Variants in PTK7 observed in about 807,000 individuals in gnomAD.
PTK7 encodes the protein inactive tyrosine-protein kinase 7.
In PTK7, 39 loss-of-function variants were observed where a neutral mutation model predicts 116.6. That is an observed-to-expected ratio of 0.33 (90% CI 0.26 to 0.44). PTK7 has a LOEUF of 0.44. Among genes scored for constraint, PTK7 ranks in the 20% least tolerant of loss-of-function variants. The pLI, the probability that PTK7 is intolerant of heterozygous loss-of-function variation, is 1.00. For missense variants in PTK7, 1,169 were observed against 1,425.6 expected, an observed-to-expected ratio of 0.82 and a Z score of 2.90; for synonymous variants, 546 against 563.6, an observed-to-expected ratio of 0.97 and a Z score of 0.44.
At chr6:43,137,059 T>C (rs953267026) in intron 7 of PTK7, among the ~76,000 whole-genome samples, 2 of 152,058 alleles carry the variant, frequency 1.3e-5, no homozygotes, top group African/African-American at 4.8e-5. Flanking sequence ...CAACATCACA[T>C]TGAAAAGAGT....
chr6:43,132,875 G>T (rs1331112170), intron 7 of PTK7, 188 bp downstream of exon 7: 2 of 781,812 alleles, frequency 2.6e-6, no homozygotes, highest in Non-Finnish European at 4.2e-6. Context: ...TAGGGTGGGT[G>T]CTCCAGAGGA....
chr6:43,132,245 T>C, intron 6 of PTK7, 81 bp downstream of exon 6: 3 of 1,527,212 alleles, frequency 2.0e-6, no homozygotes, highest in Non-Finnish European at 2.6e-6. Context: ...CTTCTGTTTT[T>C]ACTCAGCCGC....
intron 17 of PTK7, among the ~76,000 whole-genome samples, chr6:43,152,521 C>T (rs1034637339): frequency 1.5e-4 from 23 of 152,300 alleles, no homozygotes; most frequent in African/African-American, 5.1e-4. Context: ...AGTGAGACTC[C>T]GTCTGGATGA....
intron 1 of PTK7, among the ~76,000 whole-genome samples, chr6:43,106,650 C>CTTTTT (rs11312929): frequency 6.1e-5 from 6 of 98,584 alleles, no homozygotes; most frequent in Non-Finnish European, 1.2e-4. Context: ...TCCTCCCTGC[C>CTTTTT]TTTTTTTTTT....
chr6:43,146,785 A>G (rs751086751), intron 17 of PTK7, 87 bp downstream of exon 17: 3 of 1,165,672 alleles, frequency 2.6e-6, no homozygotes, highest in Non-Finnish European at 3.8e-6. Context: ...AGGGCTCTCT[A>G]TGGGCCAGGC....
intron 1 of PTK7, among the ~76,000 whole-genome samples, chr6:43,117,675 C>T (rs1447887289): frequency 6.6e-6 from 1 of 152,104 alleles, no homozygotes; most frequent in African/African-American, 2.4e-5. Context: ...AGTCTGTCCG[C>T]CAGGCAGGAG....
At chr6:43,101,203 G>A (rs1253108695) in intron 1 of PTK7, among the ~76,000 whole-genome samples, 2 of 136,342 alleles carry the variant, frequency 1.5e-5, no homozygotes, top group Non-Finnish European at 3.2e-5. Flanking sequence ...CAACAAGAGC[G>A]AAGCTCTGTC....
chr6:43,142,605 G>C (rs1270839181), intron 13 of PTK7: 1 of 462,370 alleles, frequency 2.2e-6, no homozygotes, highest in East Asian at 4.6e-5. Context: ...GGGTGGCTGG[G>C]GAGGAGGACC....
In PTK7 at chr6:43,160,950, G is replaced by A; in HGVS notation, c.*69G>A. 1 of 1,562,676 alleles carries A rather than the reference G, an allele frequency of 6.4e-7. No individual in the cohort carries two copies. Among genetic ancestry groups the A allele is most frequent in the African/African-American group, 1.3e-5 (1 of 74,144 alleles). ...CTAGAGGGAAGCTCACAGCATGATG[G>A]GCAAGATCCCTGTCCTCCTGGGCCC... is the stretch of plus-strand genomic sequence containing the variant. On this transcript the variant is annotated 3_prime_UTR_variant, in exon 20 of 20. Transcript: ENST00000230419.
intron 1 of PTK7, among the ~76,000 whole-genome samples, chr6:43,079,267 A>T (rs969279635): frequency 6.6e-6 from 1 of 152,100 alleles, no homozygotes; most frequent in Non-Finnish European, 1.5e-5. Flanking sequence ...GGAGATTGAG[A>T]CCATCCTGGC....
intron 17 of PTK7, among the ~76,000 whole-genome samples, chr6:43,154,754 T>A (rs1298213056): frequency 6.6e-6 from 1 of 152,240 alleles, no homozygotes; most frequent in African/African-American, 2.4e-5. Flanking sequence ...GCTGGCCTTC[T>A]TGTGACCTCT....
chr6:43,108,660 C>A (rs942076721), intron 1 of PTK7, among the ~76,000 whole-genome samples: 3 of 152,264 alleles, frequency 2.0e-5, no homozygotes, highest in African/African-American at 7.2e-5. Context: ...CCTCGGCCTC[C>A]CAAAGTGCTG....
Position 43,129,487 on chromosome 6 carries a change from T to C in PTK7, c.367+223T>C. Reference sequence around the variant, plus strand: ...GTCTGGGACCCATTTATCTGCTGCATGCTTGTGCAAATGGAAAGGGCGGCC... The same window carrying C: ...GTCTGGGACCCATTTATCTGCTGCACGCTTGTGCAAATGGAAAGGGCGGCC... On this transcript the variant is annotated intron_variant, in intron 2 of 19. Transcript: ENST00000230419. This position sits in a 1 kb window ranked among gnomAD's most constrained non-coding sequence, Gnocchi z 4.5. 4.0e-6 allele frequency: 3 copies of C among 745,546 alleles called. No homozygotes were observed. The highest frequency in any genetic ancestry group is 4.3e-6 in the Non-Finnish European group (2 of 469,492). 46.2% of individuals were successfully genotyped at this position (745,546 alleles called of 1,614,324 possible).
chr6:43,100,803 G>A (rs1767530777), intron 1 of PTK7, among the ~76,000 whole-genome samples: 1 of 152,136 alleles, frequency 6.6e-6, no homozygotes, highest in Admixed American at 6.6e-5. Flanking sequence ...CTGCTGTGTA[G>A]TTCAAGTGTC....
At chr6:43,148,879 T>G (rs1471552335) in intron 17 of PTK7, among the ~76,000 whole-genome samples, 21 of 134,976 alleles carry the variant, frequency 1.6e-4, no homozygotes, top group South Asian at 2.4e-4. Context: ...GCCAACATGG[T>G]GAAACCCCGT....
Position 43,139,058 on chromosome 6 carries a change from G to A in PTK7, c.1362+76G>A. 6.2e-7 allele frequency: 1 copy of A among 1,609,016 alleles called. No homozygotes were observed. Among genetic ancestry groups the A allele is most frequent in the Non-Finnish European group, 8.5e-7 (1 of 1,176,646 alleles). Reference sequence around the variant, plus strand: ...GCCCTCTTCTGTGCTCACCTCCATAGCACTCTTACCCTGGAGGCAGCCTCC... The same window carrying A: ...GCCCTCTTCTGTGCTCACCTCCATAACACTCTTACCCTGGAGGCAGCCTCC... On this transcript the variant is annotated intron_variant, in intron 8 of 19. Coordinates refer to ENST00000230419, the MANE Select transcript of PTK7 (RefSeq NM_002821.5). The surrounding 1 kb of genome is among the most constrained non-coding windows in gnomAD (Gnocchi z 4.6).
At chr6:43,144,422 C>T (rs776653171) in intron 14 of PTK7, 29 bp from the exon 15 acceptor site, 31 of 1,613,524 alleles carry the variant, frequency 1.9e-5, no homozygotes, top group African/African-American at 2.7e-5. Context: ...CAGGTCTCAT[C>T]GTGACGCTCT....
intron 7 of PTK7, among the ~76,000 whole-genome samples, chr6:43,136,655 T>C (rs969952976): frequency 1.3e-5 from 2 of 152,158 alleles, no homozygotes; most frequent in African/African-American, 4.8e-5. Flanking sequence ...GTACTACCAC[T>C]GTGTTCTGTT....
At chr6:43,153,404 C>T in intron 17 of PTK7, among the ~76,000 whole-genome samples, 1 of 151,220 alleles carries the variant, frequency 6.6e-6, no homozygotes, top group East Asian at 2.0e-4. Context: ...TGAGCCACCA[C>T]ACCCGGCCTG....
Sources: gnomAD v4.1 joint callset for allele counts (sites outside exome capture counted in the v4.1 genomes callset) on GRCh38, gnomAD v4.1.1 for gene constraint, Gnocchi (gnomAD v3.1) non-coding constraint, MANE v1.5 for transcripts, NCBI Gene and HGNC (gene_info 2026-07-23, HGNC 2026-07-21) for gene names.